TRPM3: variants seen among roughly 807,000 people sequenced by gnomAD.
The protein encoded by TRPM3 is long transient receptor potential channel 3.
Under a neutral mutation model 181.2 loss-of-function variants are expected in TRPM3, and 77 were observed. That is an observed-to-expected ratio of 0.42 (90% confidence interval 0.35 to 0.51). TRPM3 has a LOEUF of 0.51. TRPM3 is among the 20% of genes least tolerant of loss of function. The probability of loss-of-function intolerance (pLI) is 0.01; values close to 1 mark genes in which losing one functional copy is unlikely to be tolerated. For missense variants in TRPM3, 1,759 were observed against 2,196.7 expected (o/e 0.80, Z 3.98); for synonymous variants, 745 against 796.4 (o/e 0.94, Z 1.09).
intron 8 of TRPM3, among the ~76,000 whole-genome samples, chr9:70,756,812 G>C (rs1045993159): frequency 2.6e-5 from 4 of 152,164 alleles, no homozygotes; most frequent in Non-Finnish European, 4.4e-5. Flanking sequence ...CAACGTACCA[G>C]AATCTCTGGG....
chr9:70,690,348 T>TAACA (rs1450441855), intron 8 of TRPM3, among the ~76,000 whole-genome samples: 1 of 152,190 alleles, frequency 6.6e-6, no homozygotes, highest in African/African-American at 2.4e-5. Context: ...ATAATCATGT[T>TAACA]AACAATAGGC....
chr9:70,864,549 G>C, intron 1 of TRPM3, 38 bp from the exon 2 acceptor site: 3 of 1,156,196 alleles, frequency 2.6e-6, no homozygotes, highest in Non-Finnish European at 2.3e-6. Context: ...AAAGAAAAAA[G>C]AAAGAAAGGT....
chr9:71,415,997 T>C (rs1009736948), intron 1 of TRPM3, among the ~76,000 whole-genome samples: 1 of 151,410 alleles, frequency 6.6e-6, no homozygotes, highest in Admixed American at 6.6e-5. Flanking sequence ...AGTAATCTTG[T>C]TATAATATTC....
At chr9:71,437,282 C>T (rs576029369) in intron 1 of TRPM3, among the ~76,000 whole-genome samples, 52 of 152,202 alleles carry the variant, frequency 3.4e-4, no homozygotes, top group Middle Eastern at 6.8e-3. Context: ...TTTTGCAATG[C>T]CCAAATAAAA....
rs574934359 is a variant in TRPM3 at position 70,978,239 on chromosome 9, G to A, written c.178-113728C>T. On this transcript the variant is annotated intron_variant, in intron 1 of 25. Coordinates refer to ENST00000677713, the MANE Select transcript of TRPM3 (RefSeq NM_001366145.2). ...TAATTACATCTAGCCACTGCTAGCT[G>A]TAGCGCAGCTATGACTAACCTGCAT... 2.0e-5 allele frequency among the ~76,000 whole-genome samples: 3 copies of A among 152,320 alleles called. No individual in the cohort carries two copies. The South Asian group carries it at 6.2e-4, about 32-fold the overall frequency.
chr9:70,818,872 G>A (rs1184047969), intron 6 of TRPM3, among the ~76,000 whole-genome samples: 1 of 152,194 alleles, frequency 6.6e-6, no homozygotes, highest in Non-Finnish European at 1.5e-5. Flanking sequence ...ATAGCAAGTG[G>A]CATTAGGATT....
intron 9 of TRPM3, among the ~76,000 whole-genome samples, chr9:70,673,747 T>C (rs1347060363): frequency 2.0e-5 from 3 of 151,944 alleles, no homozygotes; most frequent in Non-Finnish European, 4.4e-5. Flanking sequence ...GCCAACATAG[T>C]GAAACCCCAT....
At chr9:70,743,295 AC>A (rs1263843469) in intron 8 of TRPM3, among the ~76,000 whole-genome samples, 1 of 151,944 alleles carries the variant, frequency 6.6e-6, no homozygotes, top group East Asian at 1.9e-4. Flanking sequence ...TATAATCTTC[AC>A]CTTTTTGTCA....
intron 1 of TRPM3, among the ~76,000 whole-genome samples, chr9:71,304,924 TCAC>T (rs1318039947): frequency 1.3e-5 from 2 of 152,182 alleles, no homozygotes; most frequent in African/African-American, 4.8e-5. Flanking sequence ...GACACCATCA[TCAC>T]CACAAGAAAA....
chr9:71,096,307 A>C (rs1414851715), intron 1 of TRPM3, among the ~76,000 whole-genome samples: 1 of 149,878 alleles, frequency 6.7e-6, no homozygotes, highest in East Asian at 1.9e-4. Context: ...AAAAAAAACT[A>C]CTAAAAATTG....
intron 1 of TRPM3, among the ~76,000 whole-genome samples, chr9:70,997,221 T>C: frequency 6.6e-6 from 1 of 152,174 alleles, no homozygotes; most frequent in Admixed American, 6.5e-5. Flanking sequence ...TTTTTTGAGA[T>C]GGAGTCTTGC....
At chr9:71,093,455 T>G (rs545650859) in intron 1 of TRPM3, among the ~76,000 whole-genome samples, 1 of 150,460 alleles carries the variant, frequency 6.6e-6, no homozygotes, top group Non-Finnish European at 1.5e-5. Context: ...CAAAAGAAGA[T>G]ATTTATGCAG....
intron 1 of TRPM3, among the ~76,000 whole-genome samples, chr9:70,880,297 G>C (rs995982878): frequency 1.3e-5 from 2 of 151,974 alleles, no homozygotes; most frequent in African/African-American, 4.8e-5. Flanking sequence ...TTTTCCCACT[G>C]AATTTAGATC....
chr9:71,133,497 C>T (rs1012290641), intron 1 of TRPM3, among the ~76,000 whole-genome samples: 1 of 143,452 alleles, frequency 7.0e-6, no homozygotes, highest in Non-Finnish European at 1.5e-5. Context: ...TGGCATTTCT[C>T]CATGTTGGTC....
At chr9:71,317,067 T>C (rs2088669638) in intron 1 of TRPM3, among the ~76,000 whole-genome samples, 2 of 152,168 alleles carry the variant, frequency 1.3e-5, no homozygotes, top group Non-Finnish European at 2.9e-5. Context: ...TCATTCTATT[T>C]TACTCTCTCC....
chr9:71,296,722 C>T (rs1385597029), intron 1 of TRPM3, among the ~76,000 whole-genome samples: 21 of 152,052 alleles, frequency 1.4e-4, no homozygotes, highest in Admixed American at 6.6e-5. Context: ...TGGGAAACGA[C>T]GGACCATTAG....
intron 1 of TRPM3, among the ~76,000 whole-genome samples, chr9:71,059,580 A>G (rs1369807258): frequency 1.3e-5 from 2 of 152,000 alleles, no homozygotes; most frequent in Non-Finnish European, 2.9e-5. Context: ...ATGTTTTGTA[A>G]ATGCGATCAA....
chr9:70,962,864 G>C (rs2097150534), intron 1 of TRPM3, among the ~76,000 whole-genome samples: 3 of 152,258 alleles, frequency 2.0e-5, no homozygotes, highest in South Asian at 2.1e-4. Flanking sequence ...CAAGGGGACT[G>C]TCATGTATGT....
chr9:71,420,727 G>GAGAGAA (rs2093725026), intron 1 of TRPM3, among the ~76,000 whole-genome samples: 2 of 45,320 alleles, frequency 4.4e-5, no homozygotes, highest in South Asian at 8.8e-4. Context: ...GAGAAAGAGA[G>GAGAGAA]AGAGAGAGAA....
Sources: gnomAD v4.1 joint callset for allele counts (sites outside exome capture counted in the v4.1 genomes callset) on GRCh38, gnomAD v4.1.1 for gene constraint, MANE v1.5 for transcripts, NCBI Gene and HGNC (gene_info 2026-07-23, HGNC 2026-07-21) for gene names.